UST: variants seen among roughly 807,000 people sequenced by gnomAD.
UST encodes the protein uronyl 2-sulfotransferase.
UST carries 21 observed loss-of-function variants against 45.6 expected under a neutral mutation model. The ratio of observed to expected loss-of-function variants is 0.46; its 90% CI spans 0.33 to 0.66. The LOEUF is 0.66. UST is among the 30% of genes least tolerant of loss of function. The pLI is 0.02. For missense variants in UST, 463 were observed against 512.4 expected, an observed-to-expected ratio of 0.90 and a Z score of 0.93; for synonymous variants, 215 against 200.6, an observed-to-expected ratio of 1.07 and a Z score of -0.61.
At chr6:148,903,818 C>A (rs1779306761) in intron 2 of UST, among the ~76,000 whole-genome samples, 1 of 152,204 alleles carries the variant, frequency 6.6e-6, no homozygotes, top group African/African-American at 2.4e-5. Context: ...AATGTAGGGG[C>A]TTCCTCCCAG....
chr6:148,920,501 C>T (rs1779681261), intron 2 of UST, among the ~76,000 whole-genome samples: 1 of 152,150 alleles, frequency 6.6e-6, no homozygotes, highest in South Asian at 2.1e-4. Flanking sequence ...CTCCAACCCT[C>T]CTGCCCACCC....
At chr6:148,901,769 G>T (rs1239618985) in intron 2 of UST, among the ~76,000 whole-genome samples, 1 of 152,146 alleles carries the variant, frequency 6.6e-6, no homozygotes, top group African/African-American at 2.4e-5. Flanking sequence ...ATGTTGGCCA[G>T]GCTGGTCTCG....
chr6:148,910,762 C>T (rs1225793493), intron 2 of UST, among the ~76,000 whole-genome samples: 2 of 152,166 alleles, frequency 1.3e-5, no homozygotes, highest in South Asian at 2.1e-4. Flanking sequence ...CCATACCTTA[C>T]ATGATTTAAG....
At chr6:148,844,427 T>A (rs1777946395) in intron 1 of UST, among the ~76,000 whole-genome samples, 1 of 152,154 alleles carries the variant, frequency 6.6e-6, no homozygotes, top group Admixed American at 6.5e-5. Context: ...AAGATAAAAT[T>A]TGCAGTAATG....
intron 1 of UST, among the ~76,000 whole-genome samples, chr6:148,832,280 C>T (rs1254104934): frequency 6.6e-6 from 1 of 152,196 alleles, no homozygotes; most frequent in African/African-American, 2.4e-5. Flanking sequence ...TTAAACCAAA[C>T]ACCGTAAATG....
intron 1 of UST, among the ~76,000 whole-genome samples, chr6:148,881,742 T>C (rs1778827010): frequency 6.6e-6 from 1 of 152,088 alleles, no homozygotes; most frequent in African/African-American, 2.4e-5. Context: ...CAAGGCAGAG[T>C]AGCCAGAAGC....
chr6:149,014,090 G>A (rs1163194779), intron 5 of UST, among the ~76,000 whole-genome samples: 1 of 152,252 alleles, frequency 6.6e-6, no homozygotes, highest in Non-Finnish European at 1.5e-5. Context: ...CGAGAGGCCT[G>A]TGGGCCTGGC....
intron 5 of UST, among the ~76,000 whole-genome samples, chr6:148,994,178 G>A (rs1215352644): frequency 6.6e-6 from 1 of 151,804 alleles, no homozygotes; most frequent in African/African-American, 2.4e-5. Context: ...TGCCATGTTG[G>A]CCAAGCTGAT....
At chr6:149,063,994 G>A (rs564339725) in intron 7 of UST, among the ~76,000 whole-genome samples, 8 of 152,212 alleles carry the variant, frequency 5.3e-5, no homozygotes, top group African/African-American at 9.6e-5. Flanking sequence ...ACTCTCAGAC[G>A]TGCACACACA....
At chr6:149,027,575 T>C (rs1311267916) in intron 7 of UST, 1 of 152,202 alleles carries the variant, frequency 6.6e-6, no homozygotes, top group East Asian at 1.9e-4. Flanking sequence ...CCCATTGCCT[T>C]AGTAATCCTC....
rs1197398717 is a variant in UST at position 148,968,894 on chromosome 6, C to T, written c.681+4331C>T. ...GGAGAAAATCTTCCCAGAGAGAACACTGCCTCTGTGACACTGTTTATTCGG... is the reference window on the plus strand; with the variant it reads ...GGAGAAAATCTTCCCAGAGAGAACATTGCCTCTGTGACACTGTTTATTCGG... On this transcript the variant is annotated intron_variant, in intron 5 of 7. Coordinates refer to ENST00000367463, the MANE Select transcript of UST (RefSeq NM_005715.3). Among the ~76,000 whole-genome samples, 13 of 152,228 alleles carry T rather than the reference C, an allele frequency of 8.5e-5. No homozygotes were observed. The East Asian group carries it at 2.5e-3, about 29-fold the overall frequency.
At chr6:149,057,919 T>C (rs1344275858) in intron 7 of UST, among the ~76,000 whole-genome samples, 4 of 152,260 alleles carry the variant, frequency 2.6e-5, no homozygotes, top group Admixed American at 6.5e-5. Context: ...CTAAAAACTT[T>C]ACTATGTATT....
chr6:148,763,340 C>G (rs1396272650), intron 1 of UST, among the ~76,000 whole-genome samples: 1 of 152,110 alleles, frequency 6.6e-6, no homozygotes, highest in Non-Finnish European at 1.5e-5. Context: ...CCTTTGCCCA[C>G]TTTTTAATAG....
chr6:148,877,089 G>T (rs1182172768), intron 1 of UST, among the ~76,000 whole-genome samples: 1 of 49,350 alleles, frequency 2.0e-5, no homozygotes, highest in Non-Finnish European at 3.9e-5. Flanking sequence ...TATTGTGGGG[G>T]TCGTGTATGA....
intron 1 of UST, among the ~76,000 whole-genome samples, chr6:148,837,989 CTCT>C (rs1777820513): frequency 1.3e-5 from 2 of 152,346 alleles, no homozygotes; most frequent in South Asian, 4.1e-4. Context: ...GCCAAGTTCC[CTCT>C]TCTTATGGAA....
chr6:148,849,843 A>T (rs1372125208), intron 1 of UST, among the ~76,000 whole-genome samples: 1 of 152,196 alleles, frequency 6.6e-6, no homozygotes, highest in Non-Finnish European at 1.5e-5. Context: ...CACAGAGCCA[A>T]ACCGTATCAG....
chr6:148,760,642 A>G (rs1776197310), intron 1 of UST, among the ~76,000 whole-genome samples: 1 of 152,080 alleles, frequency 6.6e-6, no homozygotes, highest in African/African-American at 2.4e-5. Context: ...AGAAAGTAAA[A>G]ACCACAAAGA....
chr6:149,053,428 C>T (rs911864617), intron 7 of UST, among the ~76,000 whole-genome samples: 1 of 152,220 alleles, frequency 6.6e-6, no homozygotes, highest in Non-Finnish European at 1.5e-5. Flanking sequence ...AGTTTGAAAA[C>T]ATTCCATGCT....
intron 2 of UST, among the ~76,000 whole-genome samples, chr6:148,907,094 A>G (rs1192839447): frequency 6.6e-6 from 1 of 152,226 alleles, no homozygotes; most frequent in Non-Finnish European, 1.5e-5. Context: ...ACAAAATAAC[A>G]GATTAACGTG....
Sources: gnomAD v4.1 joint callset for allele counts (sites outside exome capture counted in the v4.1 genomes callset) on GRCh38, gnomAD v4.1.1 for gene constraint, MANE v1.5 for transcripts, NCBI Gene and HGNC (gene_info 2026-07-23, HGNC 2026-07-21) for gene names.